Variants in STK38L observed in about 807,000 individuals in gnomAD.
STK38L encodes the protein serine/threonine kinase 38 like.
STK38L carries 28 observed loss-of-function variants against 59.7 expected under a neutral mutation model. The ratio of observed to expected loss-of-function variants is 0.47; its 90% confidence interval spans 0.35 to 0.64. The LOEUF is 0.64. STK38L is among the 30% of genes least tolerant of loss of function. The pLI, the probability that STK38L is intolerant of heterozygous loss-of-function variation, is 0.01. For missense variants in STK38L, 314 were observed against 555.8 expected (o/e 0.56, Z 4.37); for synonymous variants, 162 against 176.8 (o/e 0.92, Z 0.66).
intron 1 of STK38L, chr12:27,245,511 A>G (rs546700769): frequency 3.3e-5 from 5 of 152,268 alleles, no homozygotes; most frequent in South Asian, 4.1e-4. Context: ...CTTCCTCAGT[A>G]CAGATTCTTG....
intron 1 of STK38L, among the ~76,000 whole-genome samples, chr12:27,247,320 T>G (rs1942875809): frequency 6.6e-6 from 1 of 152,236 alleles, no homozygotes; most frequent in Non-Finnish European, 1.5e-5. Context: ...CTTGTACCCA[T>G]ATGGCATGCT....
intron 1 of STK38L, among the ~76,000 whole-genome samples, chr12:27,259,383 C>A (rs2136608358): frequency 1.3e-5 from 2 of 152,236 alleles, no homozygotes; most frequent in Admixed American, 1.3e-4. Flanking sequence ...GTGTCGGGGG[C>A]AGGTCTTTTA....
chr12:27,244,601 C>T (rs1942808925), intron 1 of STK38L, among the ~76,000 whole-genome samples: 1 of 152,188 alleles, frequency 6.6e-6, no homozygotes, highest in Non-Finnish European at 1.5e-5. Context: ...CCTTCCACTC[C>T]CCGGCCCCCG....
At chr12:27,265,503 C>T (rs1264193094) in intron 1 of STK38L, among the ~76,000 whole-genome samples, 2 of 152,322 alleles carry the variant, frequency 1.3e-5, no homozygotes, top group Admixed American at 1.3e-4. Context: ...CTGTGAAACA[C>T]ATACTCTTCA....
chr12:27,314,712 A>G, intron 7 of STK38L, 54 bp downstream of exon 7: 2 of 1,519,834 alleles, frequency 1.3e-6, no homozygotes, highest in Non-Finnish European at 1.8e-6. Context: ...TTAGAGCAGT[A>G]GGGCTGATTT....
intron 1 of STK38L, among the ~76,000 whole-genome samples, chr12:27,282,267 G>T (rs1285333157): frequency 6.6e-6 from 1 of 152,106 alleles, no homozygotes; most frequent in Non-Finnish European, 1.5e-5. Context: ...TATAGTTCCT[G>T]CATGAGCTAA....
chr12:27,292,532 C>T lies in STK38L; in HGVS notation c.-11-5178C>T, dbSNP rs544774730. On this transcript the variant is annotated intron_variant, in intron 1 of 13. Transcript: ENST00000389032. ...CCAAATGATTCTGTATTTCTTAACC[C>T]AAATGAAATTATTATATATGAAACA... Among the ~76,000 whole-genome samples, 3 of 152,176 alleles carry T rather than the reference C, an allele frequency of 2.0e-5. No individual in the cohort carries two copies. The East Asian group carries it at 5.8e-4, about 29-fold the overall frequency.
intron 1 of STK38L, among the ~76,000 whole-genome samples, chr12:27,296,128 G>A (rs751180533): frequency 7.9e-5 from 12 of 152,204 alleles, no homozygotes; most frequent in Admixed American, 1.3e-4. Flanking sequence ...CATGGCAAGT[G>A]CCTCTATCTT....
At position 27,244,307 on chromosome 12, in the gene STK38L, C is replaced by G. The variant is rs954692221; in HGVS notation, c.-37C>G. ...GGCTGCGGTCCGTGCGGAGGCTGAG[C>G]CGGCCGCGGGCGCGACCGGAGGCAG... is the stretch of plus-strand genomic sequence containing the variant. On this transcript the variant is annotated 5_prime_UTR_variant, in exon 1 of 14. Coordinates refer to ENST00000389032, the MANE Select transcript of STK38L (RefSeq NM_015000.4). 6.6e-6 allele frequency: 1 copy of G among 152,278 alleles called. No individual in the cohort carries two copies. Among genetic ancestry groups the G allele is most frequent in the Non-Finnish European group, 1.5e-5 (1 of 68,080 alleles). The allele number at this position is 152,278 out of a possible 1,614,324, so 9.4% of individuals were successfully genotyped here.
At chr12:27,302,031 TAGC>T in intron 2 of STK38L, 103 bp from the exon 3 acceptor site, 1 of 774,762 alleles carries the variant, frequency 1.3e-6, no homozygotes, top group Non-Finnish European at 1.9e-6. Flanking sequence ...TTTTTTTTTT[TAGC>T]CTAGCAAGCT....
intron 7 of STK38L, 30 bp from the exon 8 acceptor site, chr12:27,314,985 A>G (rs888283293): frequency 6.6e-7 from 1 of 1,524,242 alleles, no homozygotes; most frequent in African/African-American, 1.4e-5. Flanking sequence ...CAAAGTTAAT[A>G]TGATCTAATT....
In STK38L at chr12:27,324,244, T is replaced by A. The variant is rs1476228155; in HGVS notation, c.*1789T>A. On this transcript the variant is annotated 3_prime_UTR_variant, in exon 14 of 14. Coordinates refer to ENST00000389032, the MANE Select transcript of STK38L (RefSeq NM_015000.4). The stretch of plus-strand genomic sequence containing the variant: ...TTGAGTATTTAGGAAAGAGAGCTAT[T>A]AAAAACTGGGGATTTCTCAATGTGA... 1 of 46,186 alleles carries A rather than the reference T, an allele frequency of 2.2e-5. No homozygotes were observed. The highest frequency in any genetic ancestry group is 3.8e-5 in the Non-Finnish European group (1 of 26,354). The allele number at this position is 46,186 out of a possible 1,614,324, so 2.9% of individuals were successfully genotyped here. A position where few individuals can be genotyped will look rare whatever the true frequency, so the allele number is the denominator to read the frequency against.
chr12:27,288,972 T>C (rs975062376), intron 1 of STK38L, among the ~76,000 whole-genome samples: 12 of 152,152 alleles, frequency 7.9e-5, no homozygotes, highest in Non-Finnish European at 1.5e-4. Flanking sequence ...AAAATTCTTT[T>C]AGGGATGCCC....
At chr12:27,295,564 A>G (rs1943999068) in intron 1 of STK38L, among the ~76,000 whole-genome samples, 1 of 151,152 alleles carries the variant, frequency 6.6e-6, no homozygotes, top group African/African-American at 2.4e-5. Context: ...CCCCCAATCA[A>G]TAGGTTGTCT....
At chr12:27,296,880 C>T (rs987564070) in intron 1 of STK38L, 1 of 152,344 alleles carries the variant, frequency 6.6e-6, no homozygotes, top group East Asian at 1.9e-4. Context: ...TTCTTTGAAA[C>T]GGTACTTTGT....
chr12:27,297,657 AAGAT>A, intron 1 of STK38L, 49 bp from the exon 2 acceptor site: 6 of 1,542,802 alleles, frequency 3.9e-6, no homozygotes, highest in South Asian at 3.7e-5. Flanking sequence ...TTTATTATAA[AAGAT>A]AGGGGTTTTT....
chr12:27,306,547 T>C (rs1414242799), intron 3 of STK38L, among the ~76,000 whole-genome samples: 2 of 152,190 alleles, frequency 1.3e-5, no homozygotes, highest in African/African-American at 4.8e-5. Context: ...TATTTGTCAT[T>C]GCATTTAGGT....
At chr12:27,270,632 G>T (rs1057452831) in intron 1 of STK38L, among the ~76,000 whole-genome samples, 1 of 151,976 alleles carries the variant, frequency 6.6e-6, no homozygotes, top group Non-Finnish European at 1.5e-5. Flanking sequence ...CCTGCCTTGG[G>T]CTCCCAAAGT....
rs118188605 is a variant in STK38L at position 27,304,491 on chromosome 12, A to T, written c.186+2303A>T. Among the ~76,000 whole-genome samples, 427 of 152,178 alleles carry T rather than the reference A, an allele frequency of 2.8e-3. 4 individuals are homozygous for T. Among genetic ancestry groups the T allele is most frequent in the Non-Finnish European group, 4.3e-3 (292 of 68,000 alleles). On this transcript the variant is annotated intron_variant, in intron 3 of 13. Transcript: ENST00000389032. ...GAAAACTCAGATGTTTTTACATTTA[A>T]AATTATCTATCATTATTTACATGTC... is the stretch of plus-strand genomic sequence containing the variant.
Sources: gnomAD v4.1 joint callset for allele counts (sites outside exome capture counted in the v4.1 genomes callset) on GRCh38, gnomAD v4.1.1 for gene constraint, MANE v1.5 for transcripts, NCBI Gene and HGNC (gene_info 2026-07-23, HGNC 2026-07-21) for gene names.